CNTNAP3: variants seen among roughly 807,000 people sequenced by gnomAD.
CNTNAP3 encodes the protein contactin associated protein family member 3.
In CNTNAP3, 36 loss-of-function variants were observed where a neutral mutation model predicts 92.1. The observed-to-expected ratio is 0.39, with a 90% CI of 0.30 to 0.52. CNTNAP3 has a LOEUF of 0.52. Ranked by LOEUF, CNTNAP3 falls within the 20% of genes least tolerant of loss-of-function variation. The pLI is 0.76. For missense variants in CNTNAP3, 534 were observed against 1,069.6 expected (o/e 0.50, Z 6.98); for synonymous variants, 232 against 422.3 (o/e 0.55, Z 5.53).
intron 15 of CNTNAP3, 35 bp from the exon 16 acceptor site, chr9:39,103,949 A>G: frequency 6.6e-7 from 1 of 1,514,130 alleles, no homozygotes; most frequent in East Asian, 2.3e-5. Context: ...AAAGGAAAAA[A>G]AGTCATGAAA....
intron 12 of CNTNAP3, among the ~76,000 whole-genome samples, chr9:39,137,615 C>G (rs909199218): frequency 6.6e-6 from 1 of 152,068 alleles, no homozygotes; most frequent in Non-Finnish European, 1.5e-5. Context: ...CGGATTCATG[C>G]CATTCTTCTG....
At position 39,131,660 on chromosome 9, in the gene CNTNAP3, T is replaced by C. The variant is rs546752353; in HGVS notation, c.2080+1272A>G. ...GACCAACACGGTGAAACCCCGTCTC[T>C]ACTAAAAATACAAAAATTAGCCGGG... On this transcript the variant is annotated intron_variant, in intron 13 of 23. Transcript: ENST00000297668. 3.0e-3 allele frequency among the ~76,000 whole-genome samples: 450 copies of C among 152,278 alleles called. 1 individual carries two copies. The highest frequency in any genetic ancestry group is 0.01 in the African/African-American group (427 of 41,560).
chr9:39,121,606 A>C (rs1201496674), intron 13 of CNTNAP3, among the ~76,000 whole-genome samples: 3 of 152,194 alleles, frequency 2.0e-5, no homozygotes, highest in African/African-American at 7.2e-5. Context: ...GTCTGGTAAA[A>C]GCACTTAGAA....
At position 39,144,151 on chromosome 9, in the gene CNTNAP3, T is replaced by C. The variant is rs1357111308; in HGVS notation, c.1756+89A>G. On this transcript the variant is annotated intron_variant, in intron 11 of 23. Coordinates refer to ENST00000297668, the MANE Select transcript of CNTNAP3 (RefSeq NM_033655.5). ...TATCTCTTCTGATGTGTTTGCATGATTGCAAATATGCAGATACATATAAAC... is the reference window on the plus strand; with the variant it reads ...TATCTCTTCTGATGTGTTTGCATGACTGCAAATATGCAGATACATATAAAC... The C allele has an allele frequency of 8.5e-6, 12 of 1,404,838 alleles. No individual in the cohort carries two copies. In the Admixed American group the frequency reaches 2.0e-4, roughly 23 times the overall value. The allele number at this position is 1,404,838 out of a possible 1,614,324, so 87.0% of individuals were successfully genotyped here.
chr9:39,065,125 C>T lies in CNTNAP3; in HGVS notation c.*8765G>A, dbSNP rs1470856639. 6.6e-6 allele frequency among the ~76,000 whole-genome samples: 1 copy of T among 152,410 alleles called. No individual in the cohort carries two copies. Among genetic ancestry groups the T allele is most frequent in the African/African-American group, 2.4e-5 (1 of 41,594 alleles). On this transcript the variant is annotated 3_prime_UTR_variant, in exon 24 of 24. Transcript: ENST00000297668. ...ACATTTCCATCACTCCAGAAACTTC[C>T]CTTGTGTTTCTCTGCAGTCAACTCC...
At chr9:39,128,129 C>A (rs1296260659) in intron 13 of CNTNAP3, among the ~76,000 whole-genome samples, 10 of 152,120 alleles carry the variant, frequency 6.6e-5, no homozygotes, top group Non-Finnish European at 1.3e-4. Flanking sequence ...GTGAGCCACC[C>A]TGCCGGGCCT....
chr9:39,087,364 G>A (rs1365215888), intron 19 of CNTNAP3, among the ~76,000 whole-genome samples: 1 of 152,286 alleles, frequency 6.6e-6, no homozygotes, highest in African/African-American at 2.4e-5. Context: ...GTTTTGTCAG[G>A]AGACAAGGTT....
intron 9 of CNTNAP3, chr9:39,159,628 G>GGAGAGAGA (rs779680170): frequency 1.5e-5 from 2 of 131,160 alleles, no homozygotes; most frequent in African/African-American, 6.5e-5. Context: ...CACCACGCCT[G>GGAGAGAGA]GAGATAGATA....
At chr9:39,142,701 G>A (rs969020415) in intron 11 of CNTNAP3, among the ~76,000 whole-genome samples, 65 of 151,244 alleles carry the variant, frequency 4.3e-4, no homozygotes, top group African/African-American at 1.5e-3. Context: ...AATGTGTCAC[G>A]GCTTTATAAA....
In CNTNAP3 at chr9:39,070,861, G is replaced by T. The variant is rs1463948633; in HGVS notation, c.*3029C>A. On this transcript the variant is annotated 3_prime_UTR_variant, in exon 24 of 24. Transcript: ENST00000297668. ...TCCCATCAAATATTCTTTCAGAGAAGATGTGAACAAAGATCCAGAATTATT... is the reference window on the plus strand; with the variant it reads ...TCCCATCAAATATTCTTTCAGAGAATATGTGAACAAAGATCCAGAATTATT... Among the ~76,000 whole-genome samples, 1 of 152,240 alleles carries T rather than the reference G, an allele frequency of 6.6e-6. No individual in the cohort carries two copies. The highest frequency in any genetic ancestry group is 2.4e-5 in the African/African-American group (1 of 41,482).
At chr9:39,078,624 T>A (rs1825847488) in intron 22 of CNTNAP3, 66 bp downstream of exon 22, 1 of 1,549,304 alleles carries the variant, frequency 6.5e-7, no homozygotes, top group Admixed American at 2.0e-5. Flanking sequence ...AAGAAGGCTT[T>A]TGAGAAATTC....
chr9:39,124,775 C>T (rs1821117400), intron 13 of CNTNAP3, among the ~76,000 whole-genome samples: 1 of 152,096 alleles, frequency 6.6e-6, no homozygotes, highest in East Asian at 1.9e-4. Flanking sequence ...CATCACTGGC[C>T]ATCAGAGAAA....
intron 12 of CNTNAP3, among the ~76,000 whole-genome samples, chr9:39,134,397 T>C (rs1038922045): frequency 2.9e-5 from 4 of 139,270 alleles, no homozygotes; most frequent in African/African-American, 1.3e-4. Context: ...TTAATATTGC[T>C]CTATTTTTTT....
At chr9:39,087,916 T>C (rs7047843) in intron 19 of CNTNAP3, among the ~76,000 whole-genome samples, 36,172 of 152,028 alleles carry the variant, frequency 0.24, 4,593 homozygotes, top group East Asian at 0.38. Context: ...GTTTGAGAGG[T>C]TGTCATTACA....
At chr9:39,091,289 C>T (rs780188809) in intron 18 of CNTNAP3, among the ~76,000 whole-genome samples, 7 of 151,856 alleles carry the variant, frequency 4.6e-5, no homozygotes, top group Admixed American at 1.3e-4. Flanking sequence ...AGGAAAAAAA[C>T]ATTCAGTCTT....
intron 17 of CNTNAP3, among the ~76,000 whole-genome samples, chr9:39,101,125 G>A (rs561878566): frequency 4.7e-5 from 7 of 148,592 alleles, no homozygotes; most frequent in African/African-American, 7.4e-5. Flanking sequence ...TGACCCCTCC[G>A]TGTAGTCCTC....
At chr9:39,116,799 G>A (rs1820868910) in intron 14 of CNTNAP3, among the ~76,000 whole-genome samples, 1 of 152,062 alleles carries the variant, frequency 6.6e-6, no homozygotes, top group South Asian at 2.1e-4. Context: ...ATTCAAGTGA[G>A]TTTTCCCAAC....
chr9:39,253,050 CAT>C (rs1336881825), intron 2 of CNTNAP3, among the ~76,000 whole-genome samples: 2 of 6,132 alleles, frequency 3.3e-4, no homozygotes, highest in African/African-American at 3.6e-4. Context: ...CACACACACA[CAT>C]ACATTCAGCT....
Position 39,206,631 on chromosome 9 carries a change from G to A in CNTNAP3, c.391-13356C>T, listed in dbSNP as rs868236816. On this transcript the variant is annotated intron_variant, in intron 3 of 23. Transcript: ENST00000297668. Reference sequence around the variant, plus strand: ...CCTGAGGACAACCGACTCAGACGGGGTCCGAAGAAATTCAGATCGGTGAAC... The same window carrying A: ...CCTGAGGACAACCGACTCAGACGGGATCCGAAGAAATTCAGATCGGTGAAC... Among the ~76,000 whole-genome samples the A allele has an allele frequency of 2.9e-3, 68 of 23,700 alleles. 33 individuals are homozygous for A. In the South Asian group the frequency reaches 0.35, roughly 121 times the overall value. 15.5% of individuals were successfully genotyped at this position (23,700 alleles called of 152,430 possible). A position where few individuals can be genotyped will look rare whatever the true frequency, so the allele number is the denominator to read the frequency against.
Sources: allele counts gnomAD v4.1 joint callset (sites outside exome capture counted in the v4.1 genomes callset), GRCh38; gene constraint gnomAD v4.1.1; transcripts MANE v1.5; gene names NCBI Gene and HGNC (gene_info 2026-07-23, HGNC 2026-07-21).